KLRG1: variants seen among roughly 807,000 people sequenced by gnomAD.
The protein encoded by KLRG1 is killer cell lectin like receptor G1, also known as killer cell lectin-like receptor subfamily G member 1.
A neutral mutation model predicts 21.8 loss-of-function variants in KLRG1; 16 were observed. The ratio of observed to expected loss-of-function variants is 0.73; its 90% CI spans 0.50 to 1.11. KLRG1 has a LOEUF of 1.11. KLRG1 is among the 50% of genes most tolerant of loss of function. The pLI is 0.00. For missense variants in KLRG1, 173 were observed against 218.3 expected (o/e 0.79, Z 1.31); for synonymous variants, 69 against 75.9 (o/e 0.91, Z 0.47).
chr12:9,079,279 A>G, the KLRG1 span: 10 of 1,613,650 alleles, frequency 6.2e-6, no homozygotes, highest in East Asian at 6.7e-5. Context: ...ATCGCTCCCC[A>G]AAGGTGCTGT....
At chr12:9,138,314 A>G in the KLRG1 span, among the ~76,000 whole-genome samples, 1 of 151,964 alleles carries the variant, frequency 6.6e-6, no homozygotes, top group Admixed American at 6.6e-5. Context: ...TGTGGTACAA[A>G]TTTATACATA....
the KLRG1 span, among the ~76,000 whole-genome samples, chr12:9,186,458 G>A: frequency 1.3e-5 from 2 of 152,246 alleles, no homozygotes; most frequent in South Asian, 4.1e-4. Context: ...GCACAGAGTG[G>A]CAAGCCAGAT....
chr12:9,179,293 C>T, the KLRG1 span, among the ~76,000 whole-genome samples: 1 of 152,056 alleles, frequency 6.6e-6, no homozygotes, highest in Non-Finnish European at 1.5e-5. Context: ...TTTGCTGATC[C>T]ACCTATATCC....
At chr12:9,110,142 A>T in the KLRG1 span, 1 of 1,269,772 alleles carries the variant, frequency 7.9e-7, no homozygotes, top group African/African-American at 1.5e-5. Flanking sequence ...CAAATGGGGT[A>T]GTAGTAAAGG....
the KLRG1 span, among the ~76,000 whole-genome samples, chr12:9,033,902 A>T: frequency 6.6e-6 from 1 of 152,218 alleles, no homozygotes; most frequent in South Asian, 2.1e-4. Flanking sequence ...ACAAGAAAGA[A>T]GCCATGTTGG....
chr12:9,173,343 T>C, the KLRG1 span, among the ~76,000 whole-genome samples: 1 of 152,234 alleles, frequency 6.6e-6, no homozygotes, highest in Non-Finnish European at 1.5e-5. Context: ...GGGAAATTTA[T>C]AGCACTAAGT....
At chr12:9,043,480 C>T in the KLRG1 span, among the ~76,000 whole-genome samples, 126 of 152,312 alleles carry the variant, frequency 8.3e-4, 1 homozygote, top group African/African-American at 2.9e-3. Context: ...ACTCCATTCA[C>T]ATCTGATTTA....
the KLRG1 span, among the ~76,000 whole-genome samples, chr12:9,153,566 C>T: frequency 6.6e-6 from 1 of 152,190 alleles, no homozygotes; most frequent in Non-Finnish European, 1.5e-5. Context: ...ATTAATGTCA[C>T]TGTTTATTTT....
the KLRG1 span, chr12:9,169,476 T>C: frequency 1.4e-5 from 22 of 1,612,266 alleles, no homozygotes; most frequent in Non-Finnish European, 1.9e-5. Flanking sequence ...TAAGGGAACA[T>C]AGATGGCTCC....
At chr12:9,038,360 T>G in the KLRG1 span, among the ~76,000 whole-genome samples, 1 of 152,202 alleles carries the variant, frequency 6.6e-6, no homozygotes, top group African/African-American at 2.4e-5. Flanking sequence ...CTGAAGCTGC[T>G]GTCTATAGGT....
chr12:9,154,685 G>T, the KLRG1 span: 42 of 1,614,080 alleles, frequency 2.6e-5, no homozygotes, highest in Non-Finnish European at 3.5e-5. Flanking sequence ...TAGTTGCAGA[G>T]GTCAGGTCCC....
the KLRG1 span, among the ~76,000 whole-genome samples, chr12:9,045,681 A>C: frequency 6.6e-6 from 1 of 152,200 alleles, no homozygotes; most frequent in Non-Finnish European, 1.5e-5. Flanking sequence ...TCTAAGAAAG[A>C]GAAAGAAAGA....
the KLRG1 span, among the ~76,000 whole-genome samples, chr12:9,156,756 G>C: frequency 6.6e-6 from 1 of 152,028 alleles, no homozygotes; most frequent in East Asian, 1.9e-4. Context: ...TGTATGACTT[G>C]GCTAAGGAAT....
the KLRG1 span, among the ~76,000 whole-genome samples, chr12:9,070,024 A>G: frequency 6.6e-6 from 1 of 152,386 alleles, no homozygotes; most frequent in Admixed American, 6.5e-5. Flanking sequence ...AAAGTTATTT[A>G]TCTGAAGAAA....
At chr12:9,157,719 C>T in the KLRG1 span, 2 of 1,551,758 alleles carry the variant, frequency 1.3e-6, no homozygotes, top group Non-Finnish European at 1.8e-6. Flanking sequence ...TTCCAGACAG[C>T]AAATCTACAG....
At chr12:9,196,878 A>G in the KLRG1 span, 2 of 801,696 alleles carry the variant, frequency 2.5e-6, no homozygotes, top group Non-Finnish European at 4.0e-6. Flanking sequence ...CTTGTTGACT[A>G]AGAACAGAAA....
the KLRG1 span, among the ~76,000 whole-genome samples, chr12:9,032,691 C>T: frequency 6.6e-6 from 1 of 152,174 alleles, no homozygotes; most frequent in Non-Finnish European, 1.5e-5. Flanking sequence ...CCAATTACTC[C>T]TGTAGATGAC....
chr12:9,198,549 A>G, the KLRG1 span, among the ~76,000 whole-genome samples: 2 of 152,286 alleles, frequency 1.3e-5, no homozygotes, highest in Admixed American at 1.3e-4. Context: ...ATGCACAGAG[A>G]AGAGAAGGGA....
the KLRG1 span, chr12:9,203,868 G>A: frequency 1.9e-6 from 3 of 1,614,162 alleles, no homozygotes; most frequent in South Asian, 2.2e-5. Flanking sequence ...TACAGTCACT[G>A]TCTCATTCAG....
Sources: gnomAD v4.1 joint callset for allele counts (sites outside exome capture counted in the v4.1 genomes callset) on GRCh38, gnomAD v4.1.1 for gene constraint, MANE v1.5 for transcripts, NCBI Gene and HGNC (gene_info 2026-07-23, HGNC 2026-07-21) for gene names.